VTCN1: variants seen among roughly 807,000 people sequenced by gnomAD.
VTCN1 encodes V-set domain-containing T-cell activation inhibitor 1.
A neutral mutation model predicts 26.5 loss-of-function variants in VTCN1; 26 were observed. The ratio of observed to expected loss-of-function variants is 0.98; its 90% CI spans 0.72 to 1.36. The LOEUF is 1.36. Among genes scored for constraint, VTCN1 ranks in the 40% most tolerant of loss-of-function variants. The pLI is 0.00. For missense variants in VTCN1, 298 were observed against 337.7 expected (o/e 0.88, Z 0.92); for synonymous variants, 116 against 130.7 (o/e 0.89, Z 0.77).
intron 2 of VTCN1, among the ~76,000 whole-genome samples, chr1:117,168,410 T>G (rs369243696): frequency 1.3e-5 from 2 of 152,160 alleles, no homozygotes; most frequent in Non-Finnish European, 2.9e-5. Context: ...TAAAATTAAC[T>G]TGAGATGGTT....
chr1:117,146,999 A>G lies in VTCN1; in HGVS notation c.*45+614T>C, dbSNP rs1219817790. ...GACATGCGGGACAGAGGGGAGACAA[A>G]AATAGCTCTGAGGCTGTAACCCTGG... is the stretch of plus-strand genomic sequence containing the variant. On this transcript the variant is annotated intron_variant, in intron 5 of 5. Coordinates refer to ENST00000369458, the MANE Select transcript of VTCN1 (RefSeq NM_024626.4). This position sits in a 1 kb window ranked among gnomAD's most constrained non-coding sequence, Gnocchi z 4.2. Among the ~76,000 whole-genome samples, 1 of 152,172 alleles carries G rather than the reference A, an allele frequency of 6.6e-6. No individual in the cohort carries two copies. Among genetic ancestry groups the G allele is most frequent in the Non-Finnish European group, 1.5e-5 (1 of 68,026 alleles).
At position 117,183,588 on chromosome 1, in the gene VTCN1, A is replaced by G. The variant is rs1369098526; in HGVS notation, c.33-13417T>C. ...CTGTGGCTAAGAAGGGGACCTAGAGATTCATAATAGCTGTGCTTGAATACT... is the reference window on the plus strand; with the variant it reads ...CTGTGGCTAAGAAGGGGACCTAGAGGTTCATAATAGCTGTGCTTGAATACT... On this transcript the variant is annotated intron_variant, in intron 1 of 5. Transcript: ENST00000369458. This position sits in a 1 kb window ranked among gnomAD's most constrained non-coding sequence, Gnocchi z 4.1. Among the ~76,000 whole-genome samples the G allele has an allele frequency of 6.6e-6, 1 of 152,170 alleles. No individual in the cohort carries two copies.
At position 117,210,302 on chromosome 1, in the gene VTCN1, G is replaced by A. The variant is rs1363772227; in HGVS notation, c.32+522C>T. ...TAGGGACCCAACCTTTGAGCTGGGG[G>A]GGCCTGGGGAGGGGTGTTGGTGTGA... On this transcript the variant is annotated intron_variant, in intron 1 of 5. Transcript: ENST00000369458. Among the ~76,000 whole-genome samples, 4 of 152,126 alleles carry A rather than the reference G, an allele frequency of 2.6e-5. No homozygotes were observed. The East Asian group carries it at 7.7e-4, about 29-fold the overall frequency.
intron 2 of VTCN1, among the ~76,000 whole-genome samples, chr1:117,163,690 T>C (rs912921703): frequency 6.6e-6 from 1 of 152,238 alleles, no homozygotes; most frequent in South Asian, 2.1e-4. Flanking sequence ...AAACACAACC[T>C]GGTCTGGCCC....
At chr1:117,187,728 A>C (rs1406245289) in intron 1 of VTCN1, among the ~76,000 whole-genome samples, 1 of 152,218 alleles carries the variant, frequency 6.6e-6, no homozygotes, top group Non-Finnish European at 1.5e-5. Context: ...AGGATGTTAC[A>C]TTTAAAGTTT....
At chr1:117,195,177 G>T (rs1198664814) in intron 1 of VTCN1, among the ~76,000 whole-genome samples, 1 of 151,734 alleles carries the variant, frequency 6.6e-6, no homozygotes, top group Non-Finnish European at 1.5e-5. Context: ...CAGGAGAATT[G>T]TTTCAACCTG....
At chr1:117,197,884 T>G (rs1298958424) in intron 1 of VTCN1, among the ~76,000 whole-genome samples, 1 of 152,178 alleles carries the variant, frequency 6.6e-6, no homozygotes, top group Non-Finnish European at 1.5e-5. Flanking sequence ...GCTTCTTCAG[T>G]GAGTCTAAGT....
At chr1:117,152,353 C>A (rs1466381722) in intron 4 of VTCN1, among the ~76,000 whole-genome samples, 1 of 152,136 alleles carries the variant, frequency 6.6e-6, no homozygotes, top group Non-Finnish European at 1.5e-5. Flanking sequence ...TAAATGGCAG[C>A]CTCCTGACGT....
intron 3 of VTCN1, 92 bp from the exon 4 acceptor site, chr1:117,153,461 ATTTTTTTT>A: frequency 3.6e-6 from 4 of 1,117,078 alleles, no homozygotes; most frequent in Non-Finnish European, 4.8e-6. Flanking sequence ...AAATGCAGTC[ATTTTTTTT>A]TTTTTTTTTT....
intron 4 of VTCN1, among the ~76,000 whole-genome samples, chr1:117,149,223 C>G: frequency 6.6e-6 from 1 of 151,910 alleles, no homozygotes; most frequent in Non-Finnish European, 1.5e-5. Context: ...ACACTATGGG[C>G]ATTTCAAACT....
At chr1:117,180,104 G>GA (rs1043153367) in intron 1 of VTCN1, among the ~76,000 whole-genome samples, 3 of 152,062 alleles carry the variant, frequency 2.0e-5, no homozygotes, top group Non-Finnish European at 4.4e-5. Flanking sequence ...TACATAGATT[G>GA]AAAAAAATTT....
intron 2 of VTCN1, among the ~76,000 whole-genome samples, chr1:117,165,889 G>A (rs1173698444): frequency 1.3e-5 from 2 of 152,080 alleles, no homozygotes; most frequent in African/African-American, 4.8e-5. Context: ...GTGATAATAC[G>A]ATCTCTGATA....
At chr1:117,192,715 T>C (rs1050381284) in intron 1 of VTCN1, among the ~76,000 whole-genome samples, 26 of 152,164 alleles carry the variant, frequency 1.7e-4, no homozygotes, top group Admixed American at 1.6e-3. Context: ...TAAAATAGAC[T>C]GTTATAGGTA....
intron 1 of VTCN1, among the ~76,000 whole-genome samples, chr1:117,187,860 T>C (rs1040968573): frequency 4.0e-5 from 6 of 151,708 alleles, no homozygotes; most frequent in Non-Finnish European, 7.4e-5. Flanking sequence ...AAAGAAATTA[T>C]AAAATGAAAA....
chr1:117,189,336 A>C (rs1251485689), intron 1 of VTCN1, among the ~76,000 whole-genome samples: 1 of 152,006 alleles, frequency 6.6e-6, no homozygotes, highest in African/African-American at 2.4e-5. Context: ...TGCATGATTT[A>C]CTCCATTGAA....
chr1:117,150,202 G>A (rs1651716836), intron 4 of VTCN1, among the ~76,000 whole-genome samples: 1 of 152,202 alleles, frequency 6.6e-6, no homozygotes, highest in African/African-American at 2.4e-5. Flanking sequence ...GCTGACCCAA[G>A]TGGAGTCAAA....
chr1:117,188,094 C>T (rs773436412), intron 1 of VTCN1, among the ~76,000 whole-genome samples: 1 of 152,140 alleles, frequency 6.6e-6, no homozygotes, highest in African/African-American at 2.4e-5. Context: ...CTCTCTAACA[C>T]ACAAATACAA....
intron 2 of VTCN1, among the ~76,000 whole-genome samples, chr1:117,168,923 A>G (rs984925652): frequency 2.0e-5 from 3 of 152,150 alleles, no homozygotes; most frequent in African/African-American, 4.8e-5. Flanking sequence ...TGACAAAGAA[A>G]GTGGGGAAGG....
At chr1:117,205,093 ATGTATATGTATG>A (rs1257825348) in intron 1 of VTCN1, among the ~76,000 whole-genome samples, 2 of 5,574 alleles carry the variant, frequency 3.6e-4, no homozygotes, top group East Asian at 0.019. Flanking sequence ...ATATGTATGT[ATGTATATGTATG>A]TATATGTATA....
Sources: allele counts gnomAD v4.1 joint callset (sites outside exome capture counted in the v4.1 genomes callset), GRCh38; gene constraint gnomAD v4.1.1; non-coding constraint Gnocchi (gnomAD v3.1); transcripts MANE v1.5; gene names NCBI Gene and HGNC (gene_info 2026-07-23, HGNC 2026-07-21).